RASGRF1: variants seen among roughly 807,000 people sequenced by gnomAD.
The protein encoded by RASGRF1 is ras-specific guanine nucleotide-releasing factor 1.
In RASGRF1, 40 loss-of-function variants were observed where a neutral mutation model predicts 138.7. The observed-to-expected ratio is 0.29, with a 90% confidence interval of 0.22 to 0.38. The LOEUF (loss-of-function observed/expected upper bound fraction) is 0.38. Ranked by LOEUF, RASGRF1 falls within the 10% of genes least tolerant of loss-of-function variation. The pLI is 1.00. For synonymous variants in RASGRF1, 614 were observed against 663.2 expected, an observed-to-expected ratio of 0.93 and a Z score of 1.14; for missense variants, 1,108 against 1,650.4, an observed-to-expected ratio of 0.67 and a Z score of 5.69.
At chr15:78,999,937 C>T (rs2056483563) in intron 16 of RASGRF1, 24 bp from the exon 17 acceptor site, 1 of 1,608,332 alleles carries the variant, frequency 6.2e-7, no homozygotes, top group Non-Finnish European at 8.5e-7. Flanking sequence ...GGAACCAACC[C>T]TCAGCTGTCC....
chr15:79,051,329 T>C (rs1224155166), intron 3 of RASGRF1, among the ~76,000 whole-genome samples: 1 of 152,198 alleles, frequency 6.6e-6, no homozygotes, highest in Non-Finnish European at 1.5e-5. Context: ...AATATCTAAC[T>C]GAGAAATAGT....
chr15:79,090,587 T>C lies in RASGRF1; in HGVS notation c.-89A>G. 6.5e-7 allele frequency: 1 copy of C among 1,544,212 alleles called. No individual in the cohort carries two copies. The highest frequency in any genetic ancestry group is 8.7e-7 in the Non-Finnish European group (1 of 1,144,430). On this transcript the variant is annotated 5_prime_UTR_variant, in exon 1 of 27. Transcript: ENST00000558480. Reference sequence around the variant, plus strand: ...GTGCGCGCTGCGCGCTGCCTCTCTCTGGCGCTCGCTCGCTCGCTCCCTCTA... The same window carrying C: ...GTGCGCGCTGCGCGCTGCCTCTCTCCGGCGCTCGCTCGCTCGCTCCCTCTA...
chr15:79,059,232 CCCTTCCCTTCCCTTCCCTAT>C (rs1567594451), intron 2 of RASGRF1, among the ~76,000 whole-genome samples: 345 of 114,136 alleles, frequency 3.0e-3, no homozygotes, highest in Middle Eastern at 8.5e-3. Context: ...TCCTTCCCTT[CCCTTCCCTTCCCTTCCCTAT>C]CCTTCCCTTC....
chr15:78,993,900 A>G (rs2056333584), intron 20 of RASGRF1, among the ~76,000 whole-genome samples: 1 of 152,102 alleles, frequency 6.6e-6, no homozygotes, highest in South Asian at 2.1e-4. Flanking sequence ...AGAGATCAAA[A>G]CTGACAACTT....
chr15:79,005,801 C>T (rs2056659836), intron 14 of RASGRF1: 2 of 280,530 alleles, frequency 7.1e-6, no homozygotes, highest in South Asian at 2.8e-4. Context: ...CTCTCTCCTT[C>T]TGTCCTCCTT....
At chr15:79,011,567 T>G (rs2056795537) in intron 13 of RASGRF1, among the ~76,000 whole-genome samples, 1 of 152,168 alleles carries the variant, frequency 6.6e-6, no homozygotes, top group Non-Finnish European at 1.5e-5. Flanking sequence ...CAGAGAAAGG[T>G]GTAGCTGTTC....
intron 1 of RASGRF1, among the ~76,000 whole-genome samples, chr15:79,088,954 C>G (rs189540063): frequency 4.9e-4 from 74 of 152,328 alleles, no homozygotes; most frequent in African/African-American, 1.6e-3. Context: ...TCTCCTAACA[C>G]CCATTGGCTG....
In RASGRF1 at chr15:79,046,981, C is replaced by A; in HGVS notation, c.643G>T (p.Gly215Cys). Reference sequence around the variant, plus strand: ...TTCCACTTCCGCCGGCACAGCCAGCCCCGCAGGAAGCTCTGCACCTGAGCA... The same window carrying A: ...TTCCACTTCCGCCGGCACAGCCAGCACCGCAGGAAGCTCTGCACCTGAGCA... ...KIKKVQSFLR[G>C]WLCRRKWKTI... Residue 215 changes from glycine (G) to cysteine (C), a missense_variant, in exon 5 of 27, where the codon GGC becomes TGC. Physicochemically the swap from Gly to Cys is radical, Grantham distance 159 (BLOSUM62 -3). This residue lies in a region of RASGRF1 where 253 missense variants were observed against 329.5 expected (regional missense o/e 0.77). Transcript: ENST00000558480. The surrounding 1 kb of genome is among the most constrained non-coding windows in gnomAD (Gnocchi z 5.3). 2 of 1,612,798 alleles carry A rather than the reference C, an allele frequency of 1.2e-6. No homozygotes were observed. The highest frequency in any genetic ancestry group is 1.7e-6 in the Non-Finnish European group (2 of 1,179,662).
intron 1 of RASGRF1, among the ~76,000 whole-genome samples, chr15:79,072,481 T>C (rs955712777): frequency 6.6e-6 from 1 of 151,262 alleles, no homozygotes; most frequent in African/African-American, 2.4e-5. Flanking sequence ...TTCACCGTGT[T>C]AGCCAGGATG....
chr15:79,051,765 C>A (rs1376772868), intron 3 of RASGRF1, among the ~76,000 whole-genome samples: 1 of 152,178 alleles, frequency 6.6e-6, no homozygotes, highest in African/African-American at 2.4e-5. Flanking sequence ...GCAACAAAAA[C>A]TTTGGAGGCT....
intron 1 of RASGRF1, among the ~76,000 whole-genome samples, chr15:79,076,971 G>A (rs55808523): frequency 0.088 from 13,377 of 152,242 alleles, 828 homozygotes; most frequent in Non-Finnish European, 0.13. Context: ...CACAAAGAGG[G>A]TGGTATTGAA....
intron 13 of RASGRF1, among the ~76,000 whole-genome samples, chr15:79,009,972 C>A (rs1328202565): frequency 3.3e-5 from 5 of 151,528 alleles, no homozygotes; most frequent in African/African-American, 1.2e-4. Flanking sequence ...ATCTGCCCAC[C>A]TTGGCCTCCC....
chr15:79,010,130 G>A (rs1005622333), intron 13 of RASGRF1, among the ~76,000 whole-genome samples: 4 of 150,574 alleles, frequency 2.7e-5, no homozygotes, highest in East Asian at 1.9e-4. Context: ...CCTCCACCTC[G>A]GGCTCAAGCG....
intron 20 of RASGRF1, among the ~76,000 whole-genome samples, chr15:78,993,824 G>C (rs2056331646): frequency 6.6e-6 from 1 of 152,164 alleles, no homozygotes; most frequent in Non-Finnish European, 1.5e-5. Context: ...TTCTGGCCAA[G>C]GTGGGGTGGT....
At chr15:79,072,739 A>G (rs1357867710) in intron 1 of RASGRF1, among the ~76,000 whole-genome samples, 1 of 152,162 alleles carries the variant, frequency 6.6e-6, no homozygotes, top group Non-Finnish European at 1.5e-5. Flanking sequence ...CCTCAGAGTT[A>G]CAAGGTTGGG....
At position 79,013,203 on chromosome 15, in the gene RASGRF1, G is replaced by C. The variant is rs113169680; in HGVS notation, c.1826+2124C>G. ...CATATTCACACACAAAGCTAGGGCT[G>C]GGGACCAGGTTTACATACAAAGCTG... On this transcript the variant is annotated intron_variant, in intron 13 of 26. Transcript: ENST00000558480. Among the ~76,000 whole-genome samples, 1,343 of 152,278 alleles carry C rather than the reference G, an allele frequency of 8.8e-3. 22 individuals are homozygous for C. Among genetic ancestry groups the C allele is most frequent in the African/African-American group, 0.03 (1,260 of 41,548 alleles).
intron 1 of RASGRF1, among the ~76,000 whole-genome samples, chr15:79,085,126 G>C (rs1245319778): frequency 6.6e-6 from 1 of 152,202 alleles, no homozygotes; most frequent in Non-Finnish European, 1.5e-5. Flanking sequence ...ATCACAGACT[G>C]TGATCAGCTG....
At chr15:79,030,501 C>T (rs1196964611) in intron 8 of RASGRF1, among the ~76,000 whole-genome samples, 4 of 152,168 alleles carry the variant, frequency 2.6e-5, no homozygotes, top group Non-Finnish European at 4.4e-5. Flanking sequence ...TTCTCTTTCC[C>T]CTCTGCTCCA....
At chr15:79,056,237 G>A (rs980479654) in intron 3 of RASGRF1, among the ~76,000 whole-genome samples, 4 of 152,214 alleles carry the variant, frequency 2.6e-5, no homozygotes, top group African/African-American at 9.7e-5. Context: ...AAAGGATGAG[G>A]TCAGTGGTAG....
Sources: allele counts gnomAD v4.1 joint callset (sites outside exome capture counted in the v4.1 genomes callset), GRCh38; gene constraint gnomAD v4.1.1; regional missense constraint gnomAD v4.1.1; non-coding constraint Gnocchi (gnomAD v3.1); transcripts MANE v1.5; gene names NCBI Gene and HGNC (gene_info 2026-07-23, HGNC 2026-07-21).